Variants in ANKRD6 observed in about 807,000 individuals in gnomAD.
ANKRD6 encodes ankyrin repeat domain 6.
Under a neutral mutation model 82.3 loss-of-function variants are expected in ANKRD6, and 56 were observed. That is an observed-to-expected ratio of 0.68 (90% CI 0.55 to 0.85). The LOEUF (loss-of-function observed/expected upper bound fraction) is 0.85, where lower values mean the gene tolerates loss of function less well. ANKRD6 is among the 40% of genes least tolerant of loss of function. The pLI, the probability that ANKRD6 is intolerant of heterozygous loss-of-function variation, is 0.00. For missense variants in ANKRD6, 852 were observed against 907.6 expected (o/e 0.94, Z 0.79); for synonymous variants, 347 against 352.1 (o/e 0.99, Z 0.16).
At chr6:89,533,040 AT>A (rs959942284) in intron 1 of ANKRD6, among the ~76,000 whole-genome samples, 3 of 151,316 alleles carry the variant, frequency 2.0e-5, no homozygotes, top group African/African-American at 4.9e-5. Context: ...TATTTGGCTA[AT>A]TTTTTTTTAA....
intron 5 of ANKRD6, among the ~76,000 whole-genome samples, chr6:89,609,515 TG>T (rs1799662982): frequency 6.6e-6 from 1 of 152,188 alleles, no homozygotes; most frequent in African/African-American, 2.4e-5. Flanking sequence ...TTGGCCAGAC[TG>T]GTTTTGAAAT....
At chr6:89,536,917 T>C (rs1783905032) in intron 1 of ANKRD6, among the ~76,000 whole-genome samples, 1 of 152,212 alleles carries the variant, frequency 6.6e-6, no homozygotes, top group Admixed American at 6.5e-5. Context: ...AAAAAACCTT[T>C]GGTTTTTTGT....
At chr6:89,576,530 T>G (rs1291479673) in intron 2 of ANKRD6, among the ~76,000 whole-genome samples, 1 of 152,214 alleles carries the variant, frequency 6.6e-6, no homozygotes, top group Non-Finnish European at 1.5e-5. Context: ...GCTACTCCTT[T>G]CACCAAAGTC....
chr6:89,495,658 AAGT>A (rs1414379317), intron 1 of ANKRD6, among the ~76,000 whole-genome samples: 1 of 152,156 alleles, frequency 6.6e-6, no homozygotes, highest in African/African-American at 2.4e-5. Flanking sequence ...CGGGATGAGA[AAGT>A]AGTGCTTTTT....
intron 1 of ANKRD6, among the ~76,000 whole-genome samples, chr6:89,442,295 C>T (rs143276597): frequency 6.6e-6 from 1 of 152,204 alleles, no homozygotes; most frequent in African/African-American, 2.4e-5. Flanking sequence ...TGCGCCTGGC[C>T]CATCAGCTTG....
intron 2 of ANKRD6, among the ~76,000 whole-genome samples, chr6:89,587,183 T>TC (rs1403028509): frequency 1.8e-5 from 2 of 110,520 alleles, no homozygotes; most frequent in African/African-American, 3.7e-5. Flanking sequence ...AGAGTGAAAC[T>TC]CCGTCTCAAA....
intron 2 of ANKRD6, among the ~76,000 whole-genome samples, chr6:89,577,522 A>AT (rs58645698): frequency 0.52 from 78,633 of 151,620 alleles, 20,754 homozygotes; most frequent in South Asian, 0.72. Flanking sequence ...AATCCTCTAC[A>AT]TGCTCCTTAG....
At chr6:89,519,537 A>G (rs1781643841) in intron 1 of ANKRD6, among the ~76,000 whole-genome samples, 1 of 152,214 alleles carries the variant, frequency 6.6e-6, no homozygotes, top group Non-Finnish European at 1.5e-5. Context: ...TTGGAGACAG[A>G]TGAGTTTGGT....
intron 1 of ANKRD6, among the ~76,000 whole-genome samples, chr6:89,465,573 G>A (rs72912547): frequency 0.28 from 42,044 of 151,886 alleles, 6,034 homozygotes; most frequent in Non-Finnish European, 0.3. Flanking sequence ...GTTTAAAATG[G>A]GAATAGGCTA....
rs777958360 is a variant in ANKRD6 at position 89,629,223 on chromosome 6, T to C, written c.1597T>C (p.Cys533Arg). The C allele has an allele frequency of 6.2e-7, 1 of 1,613,874 alleles. No homozygotes were observed. The highest frequency in any genetic ancestry group is 1.1e-5 in the South Asian group (1 of 91,070). ...CAGAGCTAAATCCACACCATCTACT[T>C]GTGAGTCCTCTACAGGTAACCCACA... ...ACRAKSTPST[C>R]ESSTGVDQLV... Residue 533 changes from cysteine (C) to arginine (R), a missense_variant, in exon 15 of 16, where the codon TGT becomes CGT. Physicochemically the swap from Cys to Arg is radical, Grantham distance 180. Coordinates refer to ENST00000339746, the MANE Select transcript of ANKRD6 (RefSeq NM_001242809.2).
At chr6:89,575,944 G>A (rs1397501435) in intron 2 of ANKRD6, among the ~76,000 whole-genome samples, 3 of 152,234 alleles carry the variant, frequency 2.0e-5, no homozygotes, top group African/African-American at 7.2e-5. Flanking sequence ...TTCAGAGCAA[G>A]TGGGGTTGGG....
At chr6:89,438,090 C>T (rs1770875037) in intron 1 of ANKRD6, among the ~76,000 whole-genome samples, 1 of 152,204 alleles carries the variant, frequency 6.6e-6, no homozygotes, top group Non-Finnish European at 1.5e-5. Context: ...CATATGATTC[C>T]TCAATAGTTG....
At chr6:89,467,288 A>G (rs1774956427) in intron 1 of ANKRD6, among the ~76,000 whole-genome samples, 1 of 152,194 alleles carries the variant, frequency 6.6e-6, no homozygotes, top group African/African-American at 2.4e-5. Flanking sequence ...GTGGATATTT[A>G]TATTATAGTA....
At chr6:89,503,408 A>G (rs964588953) in intron 1 of ANKRD6, among the ~76,000 whole-genome samples, 1 of 152,190 alleles carries the variant, frequency 6.6e-6, no homozygotes, top group African/African-American at 2.4e-5. Flanking sequence ...GCTGCATCTC[A>G]TAAAGCCCCT....
At chr6:89,500,851 T>G (rs907568830) in intron 1 of ANKRD6, among the ~76,000 whole-genome samples, 1 of 152,214 alleles carries the variant, frequency 6.6e-6, no homozygotes, top group Non-Finnish European at 1.5e-5. Flanking sequence ...CTTGTTGTAT[T>G]TTGATTTATT....
At chr6:89,478,226 GT>G (rs1776315522) in intron 1 of ANKRD6, 1 of 152,192 alleles carries the variant, frequency 6.6e-6, no homozygotes, top group South Asian at 2.1e-4. Context: ...GTTCTGGGCA[GT>G]AGTGTGCTAT....
chr6:89,508,242 T>A (rs778368703), intron 1 of ANKRD6, among the ~76,000 whole-genome samples: 1 of 152,250 alleles, frequency 6.6e-6, no homozygotes, highest in Non-Finnish European at 1.5e-5. Context: ...GGTTGCAGTC[T>A]AAGACATTGG....
Position 89,630,885 on chromosome 6 carries a change from G to A in ANKRD6, c.2065G>A (p.Glu689Lys). 2.5e-6 allele frequency: 4 copies of A among 1,613,510 alleles called. No individual in the cohort carries two copies. In the South Asian group the frequency reaches 3.3e-5, roughly 13 times the overall value. ...MEKWYERKIE[E>K]ARSQANQKAQ... ...AAAGTGGTATGAAAGGAAGATTGAA[G>A]AAGCACGAAGCCAAGCCAATCAGAA... Residue 689 changes from glutamate (E) to lysine (K), a missense_variant, in exon 16 of 16, where the codon GAA (glutamate) becomes AAA (lysine). Coordinates refer to ENST00000339746, the MANE Select transcript of ANKRD6 (RefSeq NM_001242809.2).
intron 2 of ANKRD6, among the ~76,000 whole-genome samples, chr6:89,592,471 G>A (rs1795094334): frequency 6.6e-6 from 1 of 152,162 alleles, no homozygotes; most frequent in Non-Finnish European, 1.5e-5. Context: ...AGTCAGAGCT[G>A]GGATTCAAAC....
Sources: allele counts gnomAD v4.1 joint callset (sites outside exome capture counted in the v4.1 genomes callset), GRCh38; gene constraint gnomAD v4.1.1; transcripts MANE v1.5; gene names NCBI Gene and HGNC (gene_info 2026-07-23, HGNC 2026-07-21).